ATP8A2: variants seen among roughly 807,000 people sequenced by gnomAD.
ATP8A2 encodes ATPase phospholipid transporting 8A2, also known as phospholipid-transporting ATPase IB.
A neutral mutation model predicts 165.6 loss-of-function variants in ATP8A2; 100 were observed. That is an observed-to-expected ratio of 0.60 (90% CI 0.51 to 0.71). The LOEUF (loss-of-function observed/expected upper bound fraction) is 0.71, where lower values mean the gene tolerates loss of function less well. ATP8A2 is among the 30% of genes least tolerant of loss of function. The pLI is 0.00. For synonymous variants in ATP8A2, 543 were observed against 548.8 expected, an observed-to-expected ratio of 0.99 and a Z score of 0.15; for missense variants, 1,227 against 1,479.5, an observed-to-expected ratio of 0.83 and a Z score of 2.80.
intron 1 of ATP8A2, among the ~76,000 whole-genome samples, chr13:25,405,679 T>C (rs1158092635): frequency 6.6e-6 from 1 of 152,210 alleles, no homozygotes; most frequent in Non-Finnish European, 1.5e-5. Context: ...GGCCACACCT[T>C]CTGGATCATG....
intron 25 of ATP8A2, among the ~76,000 whole-genome samples, chr13:25,734,542 A>G (rs1360189430): frequency 7.2e-5 from 11 of 152,224 alleles, no homozygotes; most frequent in Admixed American, 7.2e-4. Context: ...GGCAAGTGCT[A>G]GAGCTTCAAG....
At position 25,953,394 on chromosome 13, in the gene ATP8A2, A is replaced by G. The variant is rs181302984; in HGVS notation, c.3184-8181A>G. ...AGTTCTGGCACAGAGTGACGCACGA[A>G]GAAATTTGAGCTTCCTTCTCCTCAC... On this transcript the variant is annotated intron_variant, in intron 33 of 36. Transcript: ENST00000381655. The surrounding 1 kb of genome is among the most constrained non-coding windows in gnomAD (Gnocchi z 6.7). Among the ~76,000 whole-genome samples the G allele has an allele frequency of 4.6e-5, 7 of 152,136 alleles. No individual in the cohort carries two copies. In the East Asian group the frequency reaches 1.4e-3, roughly 30 times the overall value.
chr13:25,951,258 G>A (rs190383423), intron 33 of ATP8A2, among the ~76,000 whole-genome samples: 22 of 152,218 alleles, frequency 1.4e-4, no homozygotes, highest in Middle Eastern at 3.4e-3. Flanking sequence ...ACAAGAGACC[G>A]GATAAACAAA....
intron 2 of ATP8A2, among the ~76,000 whole-genome samples, chr13:25,520,894 A>T (rs766609147): frequency 6.6e-6 from 1 of 152,158 alleles, no homozygotes; most frequent in Non-Finnish European, 1.5e-5. Flanking sequence ...GATTACAGGC[A>T]TGAGCCACCG....
Position 25,769,050 on chromosome 13 carries a change from T to C in ATP8A2, c.2389T>C (p.Ser797Pro). 6.2e-7 allele frequency: 1 copy of C among 1,614,016 alleles called. No individual in the cohort carries two copies. The highest frequency in any genetic ancestry group is 1.1e-5 in the South Asian group (1 of 91,084). ...SCKAVICCRV[S>P]PLQKSEIVDV... ...TTTCCCTCTCTTTTCTCACAGAGTG[T>C]CTCCTCTGCAGAAGTCTGAGATAGT... The change falls in exon 26 of 37, where the codon TCT becomes CCT. Residue 797 changes from serine (S) to proline (P), a missense_variant. Coordinates refer to ENST00000381655, the MANE Select transcript of ATP8A2 (RefSeq NM_016529.6).
At chr13:25,789,980 A>T (rs1170296542) in intron 27 of ATP8A2, among the ~76,000 whole-genome samples, 4 of 152,216 alleles carry the variant, frequency 2.6e-5, no homozygotes, top group Non-Finnish European at 5.9e-5. Flanking sequence ...TGGAGAAAGG[A>T]CTCACTATTC....
chr13:25,414,525 A>C lies in ATP8A2; in HGVS notation c.76+42237A>C, dbSNP rs139318718. Among the ~76,000 whole-genome samples, 5 of 152,262 alleles carry C rather than the reference A, an allele frequency of 3.3e-5. No homozygotes were observed. In the East Asian group the frequency reaches 5.8e-4, roughly 18 times the overall value. On this transcript the variant is annotated intron_variant, in intron 1 of 36. Coordinates refer to ENST00000381655, the MANE Select transcript of ATP8A2 (RefSeq NM_016529.6). The stretch of plus-strand genomic sequence containing the variant: ...TTTCTTAAACAGAAGTACTCATCAT[A>C]ATAAACTATATAAGTAAATGTAATA...
At chr13:26,012,665 T>G (rs751949319) in intron 36 of ATP8A2, 43 bp downstream of exon 36, 1 of 1,094,136 alleles carries the variant, frequency 9.1e-7, no homozygotes, top group Non-Finnish European at 1.1e-6. Flanking sequence ...TGGGTGTCGG[T>G]GCGGGGCGGG....
chr13:25,634,186 G>A (rs1346904876), intron 24 of ATP8A2, among the ~76,000 whole-genome samples: 1 of 152,056 alleles, frequency 6.6e-6, no homozygotes. Flanking sequence ...CTCTACTTCC[G>A]GTTAACAGCT....
In ATP8A2 at chr13:25,955,738, A is replaced by G. The variant is rs372722042; in HGVS notation, c.3184-5837A>G. 7.2e-5 allele frequency among the ~76,000 whole-genome samples: 11 copies of G among 152,292 alleles called. No homozygotes were observed. In the South Asian group the frequency reaches 2.3e-3, roughly 32 times the overall value. On this transcript the variant is annotated intron_variant, in intron 33 of 36. Coordinates refer to ENST00000381655, the MANE Select transcript of ATP8A2 (RefSeq NM_016529.6). ...ACCATTCCTTCTGGAACTATTCCAA[A>G]CAATAGAAAAAGAGGGACGCCTCCC... is the stretch of plus-strand genomic sequence containing the variant.
chr13:25,720,413 C>T lies in ATP8A2; in HGVS notation c.2384+21068C>T, dbSNP rs1254333569. 3.9e-5 allele frequency among the ~76,000 whole-genome samples: 6 copies of T among 152,166 alleles called. No homozygotes were observed. In the East Asian group the frequency reaches 5.9e-4, roughly 15 times the overall value. On this transcript the variant is annotated intron_variant, in intron 25 of 36. Coordinates refer to ENST00000381655, the MANE Select transcript of ATP8A2 (RefSeq NM_016529.6). ...TCCTGACCTTGTGATCCGCCTGCCTCGGCCTCCCAAAGTGCTGGGATTACA... is the reference window on the plus strand; with the variant it reads ...TCCTGACCTTGTGATCCGCCTGCCTTGGCCTCCCAAAGTGCTGGGATTACA...
chr13:25,579,424 C>G (rs573164150), intron 21 of ATP8A2, among the ~76,000 whole-genome samples: 1 of 152,294 alleles, frequency 6.6e-6, no homozygotes, highest in African/African-American at 2.4e-5. Context: ...ATGGGTGTGG[C>G]TGCCTGAAAG....
intron 13 of ATP8A2, among the ~76,000 whole-genome samples, chr13:25,555,598 C>T (rs1266851856): frequency 6.6e-6 from 1 of 151,950 alleles, no homozygotes; most frequent in Non-Finnish European, 1.5e-5. Flanking sequence ...AAGGAATAAC[C>T]TCTTTTTAAA....
chr13:25,413,980 C>T (rs1405501305), intron 1 of ATP8A2, among the ~76,000 whole-genome samples: 1 of 151,776 alleles, frequency 6.6e-6, no homozygotes, highest in Non-Finnish European at 1.5e-5. Flanking sequence ...GCGGAGTGAG[C>T]GTGAGGCGTG....
chr13:25,710,417 C>T (rs1054018525), intron 25 of ATP8A2, among the ~76,000 whole-genome samples: 6 of 152,216 alleles, frequency 3.9e-5, no homozygotes, highest in Admixed American at 2.6e-4. Context: ...CTCTGTATCT[C>T]CCATCCTCAC....
chr13:25,873,295 T>TTATAAA (rs1199566329), intron 33 of ATP8A2, among the ~76,000 whole-genome samples: 3 of 152,194 alleles, frequency 2.0e-5, no homozygotes, highest in Non-Finnish European at 4.4e-5. Flanking sequence ...TAAGTGGAGT[T>TTATAAA]TATAAATCAA....
At chr13:25,523,023 G>C (rs146396606) in intron 2 of ATP8A2, among the ~76,000 whole-genome samples, 8 of 151,952 alleles carry the variant, frequency 5.3e-5, no homozygotes, top group Admixed American at 2.0e-4. Flanking sequence ...TACTCTGGAG[G>C]CTGAGGCTAC....
chr13:25,463,824 G>A (rs529244890), intron 1 of ATP8A2, among the ~76,000 whole-genome samples: 5 of 152,316 alleles, frequency 3.3e-5, no homozygotes, highest in Non-Finnish European at 7.4e-5. Context: ...GCTGCTGACT[G>A]AGTGTCCCTC....
At chr13:25,528,770 G>GTGTGCATACA (rs2037925034) in intron 2 of ATP8A2, among the ~76,000 whole-genome samples, 5 of 86,086 alleles carry the variant, frequency 5.8e-5, no homozygotes, top group Admixed American at 1.1e-4. Context: ...TGCAACATGT[G>GTGTGCATACA]TATGCACACA....
Sources: gnomAD v4.1 joint callset for allele counts (sites outside exome capture counted in the v4.1 genomes callset) on GRCh38, gnomAD v4.1.1 for gene constraint, Gnocchi (gnomAD v3.1) non-coding constraint, MANE v1.5 for transcripts, NCBI Gene and HGNC (gene_info 2026-07-23, HGNC 2026-07-21) for gene names.